Variants in PBX4 observed in about 807,000 individuals in gnomAD.
PBX4 encodes the protein pre-B-cell leukemia transcription factor 4.
In PBX4, 26 loss-of-function variants were observed where a neutral mutation model predicts 35.1. The ratio of observed to expected loss-of-function variants is 0.74; its 90% CI spans 0.54 to 1.03. The LOEUF (loss-of-function observed/expected upper bound fraction) is 1.03. Ranked by LOEUF, PBX4 falls within the 50% of genes least tolerant of loss-of-function variation. The pLI is 0.00. For missense variants in PBX4, 448 were observed against 504.3 expected (o/e 0.89, Z 1.07); for synonymous variants, 199 against 204.2 (o/e 0.97, Z 0.22).
Position 19,562,420 on chromosome 19 carries a change from G to A in PBX4, c.1033-303C>T, listed in dbSNP as rs988930230. Among the ~76,000 whole-genome samples the A allele has an allele frequency of 2.0e-5, 3 of 152,158 alleles. No individual in the cohort carries two copies. The highest frequency in any genetic ancestry group is 1.3e-4 in the Admixed American group (2 of 15,270). On this transcript the variant is annotated intron_variant, in intron 7 of 7. Coordinates refer to ENST00000251203, the MANE Select transcript of PBX4 (RefSeq NM_025245.3). The surrounding 1 kb of genome is among the most constrained non-coding windows in gnomAD (Gnocchi z 4.8). ...GGTACAACAAGGGCTCCTGCCCGGC[G>A]AGGGGCAGGGAGGCAAGGTCAGGCC...
intron 1 of PBX4, among the ~76,000 whole-genome samples, chr19:19,603,500 G>A (rs1211047221): frequency 6.6e-6 from 1 of 151,980 alleles, no homozygotes; most frequent in Non-Finnish European, 1.5e-5. Context: ...GTAGAGATGG[G>A]GTTTTGGCAT....
chr19:19,616,002 C>T (rs977642965), intron 1 of PBX4, among the ~76,000 whole-genome samples: 4 of 152,204 alleles, frequency 2.6e-5, no homozygotes, highest in African/African-American at 9.6e-5. Context: ...CTCCCCACTA[C>T]AGGGCTCTAG....
intron 6 of PBX4, among the ~76,000 whole-genome samples, chr19:19,564,466 T>C (rs1364191780): frequency 1.3e-5 from 2 of 152,176 alleles, no homozygotes; most frequent in East Asian, 1.9e-4. Context: ...GGTTTCACTG[T>C]GTTAGCCAGG....
At chr19:19,591,274 C>G (rs1030829946) in intron 2 of PBX4, among the ~76,000 whole-genome samples, 16 of 152,134 alleles carry the variant, frequency 1.1e-4, no homozygotes, top group Non-Finnish European at 2.2e-4. Context: ...CCAGGAAAGC[C>G]CCATGAGCAC....
intron 1 of PBX4, among the ~76,000 whole-genome samples, chr19:19,607,904 AC>A (rs2082281870): frequency 6.6e-6 from 1 of 152,218 alleles, no homozygotes; most frequent in Admixed American, 6.5e-5. Context: ...AATGATTCTA[AC>A]ACCTTAACCA....
chr19:19,571,740 G>T (rs943718736), intron 2 of PBX4, among the ~76,000 whole-genome samples: 4 of 152,098 alleles, frequency 2.6e-5, no homozygotes, highest in African/African-American at 9.7e-5. Context: ...TGAGTGAAAA[G>T]GTGGCTTCAC....
chr19:19,600,816 CAAAAA>C (rs35643130), intron 1 of PBX4, among the ~76,000 whole-genome samples: 2 of 88,740 alleles, frequency 2.3e-5, no homozygotes, highest in African/African-American at 4.4e-5. Flanking sequence ...GACTCCATCT[CAAAAA>C]AAAAAAAAAA....
Position 19,561,994 on chromosome 19 carries a change from C to A in PBX4, c.*31G>T. On this transcript the variant is annotated 3_prime_UTR_variant, in exon 8 of 8. Transcript: ENST00000251203. ...ACGGCTGGCGATACATGGCAGCTCA[C>A]GCAGCGCTCTTTCCTGCTTATCCCC... The A allele has an allele frequency of 6.3e-7, 1 of 1,575,972 alleles. No homozygotes were observed. The highest frequency in any genetic ancestry group is 1.7e-5 in the Admixed American group (1 of 58,272).
chr19:19,596,226 T>A (rs957612682), intron 2 of PBX4, among the ~76,000 whole-genome samples: 15 of 152,074 alleles, frequency 9.9e-5, no homozygotes, highest in African/African-American at 3.6e-4. Flanking sequence ...ACCCTGTCTC[T>A]ACTAAAAATA....
At chr19:19,605,467 A>G (rs1475629317) in intron 1 of PBX4, among the ~76,000 whole-genome samples, 1 of 121,754 alleles carries the variant, frequency 8.2e-6, no homozygotes. Context: ...ATAATAATAC[A>G]AAAAGTAAAT....
intron 2 of PBX4, among the ~76,000 whole-genome samples, chr19:19,572,503 C>T (rs2061390335): frequency 6.6e-6 from 1 of 151,718 alleles, no homozygotes; most frequent in Non-Finnish European, 1.5e-5. Context: ...TGAACCTTTT[C>T]TGTCAAAAAC....
At chr19:19,593,367 G>C (rs1222528772) in intron 2 of PBX4, among the ~76,000 whole-genome samples, 1 of 152,224 alleles carries the variant, frequency 6.6e-6, no homozygotes, top group Non-Finnish European at 1.5e-5. Context: ...GCGGCCCGTG[G>C]GTACCACAGG....
intron 1 of PBX4, chr19:19,606,586 A>G (rs1399825493): frequency 6.6e-6 from 1 of 152,070 alleles, no homozygotes; most frequent in Non-Finnish European, 1.5e-5. Context: ...GTGATTTCTT[A>G]TAAAGCAATA....
intron 1 of PBX4, among the ~76,000 whole-genome samples, chr19:19,610,836 A>C (rs954563962): frequency 1.3e-5 from 2 of 152,244 alleles, no homozygotes; most frequent in Non-Finnish European, 2.9e-5. Flanking sequence ...AGACCAAGTC[A>C]AGCTAAGCCT....
chr19:19,594,096 A>T (rs561968472), intron 2 of PBX4, among the ~76,000 whole-genome samples: 81 of 148,702 alleles, frequency 5.4e-4, no homozygotes, highest in Non-Finnish European at 7.7e-4. Context: ...AAAAAAAAAA[A>T]AAATAAAAAA....
intron 1 of PBX4, among the ~76,000 whole-genome samples, chr19:19,609,912 G>T (rs2144789993): frequency 6.6e-6 from 1 of 152,260 alleles, no homozygotes; most frequent in East Asian, 1.9e-4. Context: ...CTAGGGTTCT[G>T]GGGAGGGGTA....
chr19:19,572,842 G>C (rs1438190839), intron 2 of PBX4, among the ~76,000 whole-genome samples: 3 of 131,622 alleles, frequency 2.3e-5, no homozygotes. Flanking sequence ...TGACAAGGGC[G>C]AGACTCCGTC....
chr19:19,618,240 G>A (rs890324167), intron 1 of PBX4, among the ~76,000 whole-genome samples: 6 of 152,090 alleles, frequency 3.9e-5, no homozygotes, highest in Non-Finnish European at 7.4e-5. Flanking sequence ...AGTCCCGTAC[G>A]TGCCCATTTC....
At chr19:19,565,148 A>G in intron 5 of PBX4, 59 bp from the exon 6 acceptor site, 2 of 1,607,824 alleles carry the variant, frequency 1.2e-6, no homozygotes, top group Non-Finnish European at 1.7e-6. Context: ...GACACGACGC[A>G]GTCTGTGGGT....
Sources: allele counts gnomAD v4.1 joint callset (sites outside exome capture counted in the v4.1 genomes callset), GRCh38; gene constraint gnomAD v4.1.1; non-coding constraint Gnocchi (gnomAD v3.1); transcripts MANE v1.5; gene names NCBI Gene and HGNC (gene_info 2026-07-23, HGNC 2026-07-21).